The following ELOVL7 variants were observed in gnomAD, a reference collection of about 807,000 sequenced individuals.
ELOVL7 encodes the protein ELOVL fatty acid elongase 7.
Under a neutral mutation model 35.7 loss-of-function variants are expected in ELOVL7, and 27 were observed. The observed-to-expected ratio is 0.76, with a 90% confidence interval of 0.56 to 1.04. The LOEUF (loss-of-function observed/expected upper bound fraction) is 1.04, where lower values mean the gene tolerates loss of function less well. ELOVL7 is among the 50% of genes least tolerant of loss of function. The probability of loss-of-function intolerance (pLI) is 0.00; values close to 1 mark genes in which losing one functional copy is unlikely to be tolerated. For missense variants in ELOVL7, 327 were observed against 340.8 expected (o/e 0.96, Z 0.32); for synonymous variants, 113 against 114.6 (o/e 0.99, Z 0.09).
chr5:60,781,891 G>T (rs932450497), intron 3 of ELOVL7, among the ~76,000 whole-genome samples: 7 of 152,168 alleles, frequency 4.6e-5, no homozygotes, highest in Admixed American at 2.6e-4. Context: ...TTTCATAGAG[G>T]ATTGATTGAG....
chr5:60,830,609 C>CTTTT (rs55973952), intron 1 of ELOVL7, among the ~76,000 whole-genome samples: 23 of 127,300 alleles, frequency 1.8e-4, no homozygotes, highest in Non-Finnish European at 2.2e-4. Context: ...TTCTTTCTTT[C>CTTTT]TTTTTTTTTT....
chr5:60,839,874 G>A (rs1472198412), intron 1 of ELOVL7, among the ~76,000 whole-genome samples: 1 of 152,120 alleles, frequency 6.6e-6, no homozygotes, highest in African/African-American at 2.4e-5. Context: ...GGTGACATGT[G>A]TCTGTAGTCT....
At chr5:60,755,024 A>C (rs896518005) in intron 8 of ELOVL7, among the ~76,000 whole-genome samples, 191 bp from the exon 9 acceptor site, 8 of 152,296 alleles carry the variant, frequency 5.3e-5, no homozygotes, top group African/African-American at 1.9e-4. Flanking sequence ...GTATGGATCC[A>C]CTATTCAGAA....
chr5:60,780,893 T>C (rs188252891), intron 3 of ELOVL7, among the ~76,000 whole-genome samples: 23 of 152,248 alleles, frequency 1.5e-4, no homozygotes, highest in African/African-American at 5.5e-4. Context: ...CTAGTTGTTA[T>C]TGCTAATGAA....
At chr5:60,836,049 C>T (rs775970925) in intron 1 of ELOVL7, among the ~76,000 whole-genome samples, 24 of 151,948 alleles carry the variant, frequency 1.6e-4, no homozygotes, top group East Asian at 3.9e-4. Flanking sequence ...TAGATGTCAA[C>T]GGTATTGTAT....
chr5:60,752,222 T>C lies in ELOVL7; in HGVS notation c.*2402A>G, dbSNP rs1741316889. On this transcript the variant is annotated 3_prime_UTR_variant, in exon 9 of 9. Coordinates refer to ENST00000508821, the MANE Select transcript of ELOVL7 (RefSeq NM_024930.3). The stretch of plus-strand genomic sequence containing the variant: ...CAGTGAAAATCATTTTGATCCACAA[T>C]CATGTTGATGTTTCTATGGAGGATA... 6.6e-6 allele frequency: 1 copy of C among 152,420 alleles called. No homozygotes were observed. The highest frequency in any genetic ancestry group is 1.5e-5 in the Non-Finnish European group (1 of 68,020). 9.4% of individuals were successfully genotyped at this position (152,420 alleles called of 1,614,324 possible). A position where few individuals can be genotyped will look rare whatever the true frequency, so the allele number is the denominator to read the frequency against.
At chr5:60,839,221 G>A (rs981494241) in intron 1 of ELOVL7, among the ~76,000 whole-genome samples, 5 of 151,878 alleles carry the variant, frequency 3.3e-5, no homozygotes, top group African/African-American at 1.2e-4. Context: ...GGTGGCATGA[G>A]CCTGTAGTCC....
intron 7 of ELOVL7, among the ~76,000 whole-genome samples, chr5:60,762,011 G>A (rs777096499): frequency 2.6e-5 from 4 of 152,078 alleles, no homozygotes; most frequent in Non-Finnish European, 5.9e-5. Flanking sequence ...GGTCATGATG[G>A]TAGGAGTAGT....
intron 1 of ELOVL7, among the ~76,000 whole-genome samples, chr5:60,815,477 C>G (rs1480773188): frequency 6.6e-6 from 1 of 152,166 alleles, no homozygotes; most frequent in African/African-American, 2.4e-5. Context: ...TTGCTTAACC[C>G]TTTCATTAAA....
At chr5:60,785,784 C>T (rs927567359) in intron 3 of ELOVL7, 2 of 152,144 alleles carry the variant, frequency 1.3e-5, no homozygotes, top group Non-Finnish European at 2.9e-5. Flanking sequence ...ACTATGTATC[C>T]CCTACCACAG....
chr5:60,809,528 G>A (rs1039790279), intron 1 of ELOVL7, among the ~76,000 whole-genome samples: 1 of 152,152 alleles, frequency 6.6e-6, no homozygotes, highest in African/African-American at 2.4e-5. Context: ...CTGACTTCTG[G>A]GATCACTCCC....
At chr5:60,795,953 C>T (rs924429970) in intron 2 of ELOVL7, among the ~76,000 whole-genome samples, 1 of 152,186 alleles carries the variant, frequency 6.6e-6, no homozygotes, top group Non-Finnish European at 1.5e-5. Context: ...TTGGGAGCAG[C>T]CCGCCACCAT....
chr5:60,766,485 G>C lies in ELOVL7; in HGVS notation c.393+89C>G. 4 of 1,097,810 alleles carry C rather than the reference G, an allele frequency of 3.6e-6. 1 individual carries two copies. In the South Asian group the frequency reaches 6.4e-5, roughly 17 times the overall value. The allele number at this position is 1,097,810 out of a possible 1,614,324, so 68.0% of individuals were successfully genotyped here. On this transcript the variant is annotated intron_variant, in intron 6 of 8. Transcript: ENST00000508821. ...AAGTTATCAGACAACTGAAACTACA[G>C]CAGTTTATTGGTTTCACTGAAAGAT...
intron 7 of ELOVL7, among the ~76,000 whole-genome samples, chr5:60,760,070 G>C (rs1221088704): frequency 6.6e-6 from 1 of 152,146 alleles, no homozygotes; most frequent in African/African-American, 2.4e-5. Flanking sequence ...CCAAGTCTTT[G>C]TTATTGTGAA....
chr5:60,782,132 C>T (rs760994610), intron 3 of ELOVL7, among the ~76,000 whole-genome samples: 25 of 152,026 alleles, frequency 1.6e-4, no homozygotes, highest in Middle Eastern at 6.8e-3. Context: ...AAATGGCCAA[C>T]GGATAGATGA....
At chr5:60,814,733 G>A (rs2112330809) in intron 1 of ELOVL7, among the ~76,000 whole-genome samples, 1 of 152,292 alleles carries the variant, frequency 6.6e-6, no homozygotes, top group Middle Eastern at 3.4e-3. Context: ...AAAGTTCAGG[G>A]TTCCAGTCTA....
At chr5:60,837,191 T>C (rs1291036671) in intron 1 of ELOVL7, among the ~76,000 whole-genome samples, 1 of 150,222 alleles carries the variant, frequency 6.7e-6, no homozygotes, top group Non-Finnish European at 1.5e-5. Context: ...CCCAGCACTT[T>C]GGGAGGCTGA....
chr5:60,808,318 C>T (rs1745061904), intron 1 of ELOVL7, among the ~76,000 whole-genome samples: 1 of 152,026 alleles, frequency 6.6e-6, no homozygotes, highest in African/African-American at 2.4e-5. Context: ...AAATAATTTC[C>T]TACTGACTTT....
chr5:60,816,665 C>T (rs1408990945), intron 1 of ELOVL7, among the ~76,000 whole-genome samples: 1 of 152,208 alleles, frequency 6.6e-6, no homozygotes, highest in Non-Finnish European at 1.5e-5. Context: ...ATGGCAGCTT[C>T]TCTTCCAGTT....
Sources: allele counts gnomAD v4.1 joint callset (sites outside exome capture counted in the v4.1 genomes callset), GRCh38; gene constraint gnomAD v4.1.1; transcripts MANE v1.5; gene names NCBI Gene and HGNC (gene_info 2026-07-23, HGNC 2026-07-21).